RNF11: variants seen among roughly 807,000 people sequenced by gnomAD.
RNF11 encodes ring finger protein 11.
Under a neutral mutation model 15.8 loss-of-function variants are expected in RNF11, and 4 were observed. That is an observed-to-expected ratio of 0.25 (90% CI 0.12 to 0.58). RNF11 has a LOEUF of 0.58. Among genes scored for constraint, RNF11 ranks in the 20% least tolerant of loss-of-function variants. RNF11 has a pLI of 0.91. For synonymous variants in RNF11, 68 were observed against 72.3 expected, an observed-to-expected ratio of 0.94 and a Z score of 0.30; for missense variants, 139 against 194.4, an observed-to-expected ratio of 0.71 and a Z score of 1.70.
In RNF11 at chr1:51,268,892, A is replaced by G. The variant is rs146498632; in HGVS notation, c.124-1064A>G. 1.2e-4 allele frequency among the ~76,000 whole-genome samples: 19 copies of G among 152,362 alleles called. No homozygotes were observed. In the East Asian group the frequency reaches 3.5e-3, roughly 28 times the overall value. On this transcript the variant is annotated intron_variant, in intron 1 of 2. Transcript: ENST00000242719. ...GTAGCACTTAGCTTAAAGTCTGCAA[A>G]GCAGAGAATCATGATGGGGAGAATC...
chr1:51,262,020 A>G (rs1214956280), intron 1 of RNF11, among the ~76,000 whole-genome samples: 1 of 152,008 alleles, frequency 6.6e-6, no homozygotes, highest in Admixed American at 6.5e-5. Flanking sequence ...ACCCCCAGCT[A>G]ATTTTTTCTG....
At chr1:51,243,255 T>G (rs375056228) in intron 1 of RNF11, among the ~76,000 whole-genome samples, 1 of 152,190 alleles carries the variant, frequency 6.6e-6, no homozygotes, top group African/African-American at 2.4e-5. Context: ...CAGTGAATAT[T>G]TGATGATAGA....
chr1:51,239,655 ATCC>A (rs1408433647), intron 1 of RNF11, among the ~76,000 whole-genome samples: 2 of 152,258 alleles, frequency 1.3e-5, no homozygotes, highest in East Asian at 3.9e-4. Context: ...GCTTCAGGTG[ATCC>A]TCCTCCCTCA....
intron 1 of RNF11, among the ~76,000 whole-genome samples, chr1:51,242,828 G>A (rs777959567): frequency 1.3e-5 from 2 of 152,126 alleles, no homozygotes; most frequent in South Asian, 2.1e-4. Context: ...TTAAAGGGTT[G>A]TGTTTTTTTA....
chr1:51,268,137 A>C (rs1252879138), intron 1 of RNF11, among the ~76,000 whole-genome samples: 1 of 152,234 alleles, frequency 6.6e-6, no homozygotes, highest in African/African-American at 2.4e-5. Flanking sequence ...TGCCTAGAAA[A>C]TCAGTGGCTG....
intron 1 of RNF11, chr1:51,266,145 G>A (rs1473404522): frequency 1.3e-5 from 2 of 152,202 alleles, no homozygotes; most frequent in Non-Finnish European, 2.9e-5. Context: ...TCCAGGGAAT[G>A]CCTGTACTCT....
In RNF11 at chr1:51,271,429, A is replaced by G. The variant is rs61100121; in HGVS notation, c.*107A>G. On this transcript the variant is annotated 3_prime_UTR_variant, in exon 3 of 3. Coordinates refer to ENST00000242719, the MANE Select transcript of RNF11 (RefSeq NM_014372.5). ...ATTAGGAATTAAGATCGTGCACAAAAGTTTCCTTAAAATTCCTGGATGGCT... is the reference window on the plus strand; with the variant it reads ...ATTAGGAATTAAGATCGTGCACAAAGGTTTCCTTAAAATTCCTGGATGGCT... The G allele has an allele frequency of 1.0e-3, 895 of 898,426 alleles. 7 individuals carry two copies. The African/African-American group carries it at 0.013, about 14-fold the overall frequency. The allele number at this position is 898,426 out of a possible 1,614,324, so 55.7% of individuals were successfully genotyped here.
intron 1 of RNF11, among the ~76,000 whole-genome samples, chr1:51,249,546 A>G (rs562648799): frequency 2.1e-4 from 32 of 152,292 alleles, no homozygotes; most frequent in Non-Finnish European, 3.7e-4. Flanking sequence ...ATGACCTCCT[A>G]TCACCCATAT....
At chr1:51,242,646 T>A (rs1364409246) in intron 1 of RNF11, among the ~76,000 whole-genome samples, 1 of 152,140 alleles carries the variant, frequency 6.6e-6, no homozygotes, top group Non-Finnish European at 1.5e-5. Context: ...GCTTGTTTTT[T>A]TTAGAGATGG....
intron 2 of RNF11, 43 bp downstream of exon 2, chr1:51,270,168 G>T (rs1646971811): frequency 6.6e-7 from 1 of 1,508,514 alleles, no homozygotes; most frequent in Admixed American, 2.2e-5. Context: ...TTTATTTTCA[G>T]ATTGCTTTTG....
intron 2 of RNF11, 45 bp downstream of exon 2, chr1:51,270,170 T>G: frequency 1.3e-6 from 2 of 1,509,278 alleles, no homozygotes; most frequent in East Asian, 4.6e-5. Context: ...TATTTTCAGA[T>G]TGCTTTTGAA....
intron 1 of RNF11, among the ~76,000 whole-genome samples, chr1:51,252,967 T>C (rs7543270): frequency 0.16 from 23,493 of 151,538 alleles, 2,805 homozygotes; most frequent in African/African-American, 0.34. Flanking sequence ...GCTGGGATTA[T>C]AGGCGCCCAC....
chr1:51,259,039 A>G (rs1646917676), intron 1 of RNF11, among the ~76,000 whole-genome samples: 1 of 152,234 alleles, frequency 6.6e-6, no homozygotes, highest in African/African-American at 2.4e-5. Flanking sequence ...TAACACCAGA[A>G]ACTATCCAGC....
chr1:51,246,543 C>A (rs1355343630), intron 1 of RNF11, among the ~76,000 whole-genome samples: 1 of 152,004 alleles, frequency 6.6e-6, no homozygotes, highest in African/African-American at 2.4e-5. Context: ...GCACTCCAGC[C>A]TGGGCAACAG....
At chr1:51,257,055 G>A (rs1161540526) in intron 1 of RNF11, among the ~76,000 whole-genome samples, 1 of 152,208 alleles carries the variant, frequency 6.6e-6, no homozygotes, top group Non-Finnish European at 1.5e-5. Flanking sequence ...CTTAATGTCA[G>A]TGTTTTGGAT....
chr1:51,243,665 C>G (rs1315563145), intron 1 of RNF11, among the ~76,000 whole-genome samples: 10 of 152,214 alleles, frequency 6.6e-5, no homozygotes. Context: ...TGTGCAACTC[C>G]TAACCTCAGG....
chr1:51,248,175 A>G (rs1441914871), intron 1 of RNF11, among the ~76,000 whole-genome samples: 3 of 139,960 alleles, frequency 2.1e-5, no homozygotes. Flanking sequence ...GAGAAAATAC[A>G]TTTACAGTGC....
chr1:51,266,452 T>G (rs1646955110), intron 1 of RNF11, among the ~76,000 whole-genome samples: 1 of 152,138 alleles, frequency 6.6e-6, no homozygotes, highest in Admixed American at 6.5e-5. Flanking sequence ...TTATTGTTAT[T>G]TAATCCAAAT....
At chr1:51,248,099 T>C (rs991596322) in intron 1 of RNF11, among the ~76,000 whole-genome samples, 61 of 140,808 alleles carry the variant, frequency 4.3e-4, no homozygotes, top group Non-Finnish European at 5.4e-4. Context: ...GTTTCTTCTT[T>C]TTTTTTTTTT....
Sources: gnomAD v4.1 joint callset for allele counts (sites outside exome capture counted in the v4.1 genomes callset) on GRCh38, gnomAD v4.1.1 for gene constraint, MANE v1.5 for transcripts, NCBI Gene and HGNC (gene_info 2026-07-23, HGNC 2026-07-21) for gene names.